The following ASPHD1 variants were observed in gnomAD, a reference collection of about 807,000 sequenced individuals.
The protein encoded by ASPHD1 is aspartate beta-hydroxylase domain containing 1, also known as aspartate beta-hydroxylase domain-containing protein 1.
A neutral mutation model predicts 28.3 loss-of-function variants in ASPHD1; 20 were observed. The ratio of observed to expected loss-of-function variants is 0.71; its 90% CI spans 0.50 to 1.03. The LOEUF (loss-of-function observed/expected upper bound fraction) is 1.03, where lower values mean the gene tolerates loss of function less well. Ranked by LOEUF, ASPHD1 falls within the 50% of genes least tolerant of loss-of-function variation. ASPHD1 has a pLI of 0.00. For synonymous variants in ASPHD1, 240 were observed against 221.2 expected, an observed-to-expected ratio of 1.08 and a Z score of -0.75; for missense variants, 479 against 524.1, an observed-to-expected ratio of 0.91 and a Z score of 0.84.
chr16:29,903,267 A>T (rs1289618390), intron 1 of ASPHD1, among the ~76,000 whole-genome samples: 1 of 151,880 alleles, frequency 6.6e-6, no homozygotes, highest in Non-Finnish European at 1.5e-5. Context: ...GAGGCAGGAG[A>T]ATCACTTGAA....
chr16:29,906,826 G>T, downstream of ASPHD1: 1 of 1,542,934 alleles, frequency 6.5e-7, no homozygotes, highest in Non-Finnish European at 8.9e-7. Context: ...GAAAGAGAGA[G>T]GGACTGGGTC....
downstream of ASPHD1, among the ~76,000 whole-genome samples, chr16:29,908,716 T>G (rs1241502904): frequency 6.6e-6 from 1 of 150,478 alleles, no homozygotes; most frequent in Non-Finnish European, 1.5e-5. Context: ...TGTTTGTTTG[T>G]TTCTAAGACA....
At position 29,901,972 on chromosome 16, in the gene ASPHD1, C is replaced by A. The variant is rs1335252728; in HGVS notation, c.949+52C>A. On this transcript the variant is annotated intron_variant, in intron 1 of 2. Transcript: ENST00000308748. This position sits in a 1 kb window ranked among gnomAD's most constrained non-coding sequence, Gnocchi z 5.1. ...CTCCTTGCCTCGATGATTTCCCCCC[C>A]AGACCCTTCTCTCCGCCAGAGCCGT... 10 of 1,362,898 alleles carry A rather than the reference C, an allele frequency of 7.3e-6. No individual in the cohort carries two copies. The highest frequency in any genetic ancestry group is 1.7e-5 in the South Asian group (1 of 60,460). 84.4% of individuals were successfully genotyped at this position (1,362,898 alleles called of 1,614,324 possible).
chr16:29,905,904 G>A lies in ASPHD1; in HGVS notation c.*7G>A, dbSNP rs376189922. On this transcript the variant is annotated 3_prime_UTR_variant, in exon 3 of 3. Coordinates refer to ENST00000308748, the MANE Select transcript of ASPHD1 (RefSeq NM_181718.4). ...CTTCGCCCCAGACCCTTGAAGGAAG[G>A]TGCTCCCTTCACACACCCAGGCTGG... The A allele has an allele frequency of 1.1e-5, 18 of 1,605,154 alleles. No individual in the cohort carries two copies. The highest frequency in any genetic ancestry group is 1.4e-5 in the Non-Finnish European group (16 of 1,173,174).
At chr16:29,911,005 G>C (rs748542717), downstream of ASPHD1, 1 of 1,614,110 alleles carries the variant, frequency 6.2e-7, no homozygotes, top group Non-Finnish European at 8.5e-7. Flanking sequence ...CCGTAGCATA[G>C]ACAATGGAGG....
Position 29,901,907 on chromosome 16 carries a change from C to A in ASPHD1, c.936C>A (p.Val312=). 6.7e-7 allele frequency: 1 copy of A among 1,497,434 alleles called. No individual in the cohort carries two copies. Among genetic ancestry groups the A allele is most frequent in the South Asian group, 1.4e-5 (1 of 73,524 alleles). The allele number at this position is 1,497,434 out of a possible 1,614,324, so 92.8% of individuals were successfully genotyped here. A position where few individuals can be genotyped will look rare whatever the true frequency, so the allele number is the denominator to read the frequency against. Residue 312 remains valine (V), a synonymous_variant, in exon 1 of 3, where the codon GTC becomes GTA. Transcript: ENST00000308748. The surrounding 1 kb of genome is among the most constrained non-coding windows in gnomAD (Gnocchi z 5.1). ...EGRCGPTNAR[V]RCHLGLKIPP... ...GCTGTGGGCCCACCAATGCCCGGGT[C>A]AGATGCCATCTGGGTAAGTAGCTGC...
intron 3 of ASPHD1, chr16:29,914,444 T>A (rs1014615455): frequency 6.6e-6 from 1 of 151,464 alleles, no homozygotes; most frequent in African/African-American, 2.4e-5. Context: ...TCTTTTTTTT[T>A]TTTTTTTTTG....
rs566935519 is a variant in ASPHD1, at chr16:29,901,528, G to A, written c.557G>A (p.Arg186His). 3 of 1,575,168 alleles carry A rather than the reference G, an allele frequency of 1.9e-6. No homozygotes were observed. Among genetic ancestry groups the A allele is most frequent in the African/African-American group, 1.4e-5 (1 of 73,690 alleles). The change falls in exon 1 of 3, where the codon CGC (arginine) becomes CAC (histidine). Residue 186 changes from arginine (R) to histidine (H), a missense_variant. Coordinates refer to ENST00000308748, the MANE Select transcript of ASPHD1 (RefSeq NM_181718.4). The surrounding 1 kb of genome is among the most constrained non-coding windows in gnomAD (Gnocchi z 5.1). ...GRGPGVLGIQ[R>H]PGLLFLPDLP... ...GGGCCAGGGGTCCTAGGTATTCAGC[G>A]CCCAGGCCTGCTTTTCCTACCAGAC...
Position 29,900,915 on chromosome 16 carries a change from G to C in ASPHD1, c.-57G>C. On this transcript the variant is annotated 5_prime_UTR_variant, in exon 1 of 3. Transcript: ENST00000308748. The stretch of plus-strand genomic sequence containing the variant: ...GGAGGCGACAGAGGGAGAGGAGGAA[G>C]AAGAGGTAGAAGGAGAGAGAAAGGG... 1 of 1,473,768 alleles carries C rather than the reference G, an allele frequency of 6.8e-7. No homozygotes were observed. Among genetic ancestry groups the C allele is most frequent in the Non-Finnish European group, 9.3e-7 (1 of 1,080,934 alleles). 91.3% of individuals were successfully genotyped at this position (1,473,768 alleles called of 1,614,324 possible). A position where few individuals can be genotyped will look rare whatever the true frequency, so the allele number is the denominator to read the frequency against.
downstream of ASPHD1, among the ~76,000 whole-genome samples, chr16:29,910,671 C>T (rs1392441508): frequency 2.0e-5 from 3 of 152,174 alleles, no homozygotes; most frequent in Non-Finnish European, 4.4e-5. Context: ...TTCTGAGTTT[C>T]TAATGGCAAC....
At position 29,905,783 on chromosome 16, in the gene ASPHD1, C is replaced by T; in HGVS notation, c.1064-5C>T. 6.2e-7 allele frequency: 1 copy of T among 1,612,558 alleles called. No individual in the cohort carries two copies. Among genetic ancestry groups the T allele is most frequent in the Non-Finnish European group, 8.5e-7 (1 of 1,178,770 alleles). ...GCTCTGCTGTTCCTGTCCCATGTGC[C>T]CTAGGCTCCCCCGAAGATGGGCCTC... On this transcript the variant is annotated splice_region_variant and splice_polypyrimidine_tract_variant and intron_variant, in intron 2 of 2. Coordinates refer to ENST00000308748, the MANE Select transcript of ASPHD1 (RefSeq NM_181718.4).
At position 29,900,816 on chromosome 16, in the gene ASPHD1, A is replaced by G; in HGVS notation, c.-156A>G. 1.5e-6 allele frequency: 1 copy of G among 679,340 alleles called. No individual in the cohort carries two copies. Among genetic ancestry groups the G allele is most frequent in the Non-Finnish European group, 2.5e-6 (1 of 405,778 alleles). The allele number at this position is 679,340 out of a possible 1,614,324, so 42.1% of individuals were successfully genotyped here. A position where few individuals can be genotyped will look rare whatever the true frequency, so the allele number is the denominator to read the frequency against. ...AGCGAAAAGCGGGGGTGGGGAGGAA[A>G]GGGGGAGATTGAGGTGGGAGAGAGA... On this transcript the variant is annotated 5_prime_UTR_variant, in exon 1 of 3. Transcript: ENST00000308748.
chr16:29,901,160 G>C lies in ASPHD1; in HGVS notation c.189G>C (p.Arg63Ser). 1 of 1,612,030 alleles carries C rather than the reference G, an allele frequency of 6.2e-7. No individual in the cohort carries two copies. Among genetic ancestry groups the C allele is most frequent in the South Asian group, 1.1e-5 (1 of 90,920 alleles). The change falls in exon 1 of 3, where the codon AGG becomes AGC. Residue 63 changes from arginine (R) to serine (S), a missense_variant. Arg to Ser is a moderately radical substitution (Grantham distance 110, BLOSUM62 -1). Coordinates refer to ENST00000308748, the MANE Select transcript of ASPHD1 (RefSeq NM_181718.4). The surrounding 1 kb of genome is among the most constrained non-coding windows in gnomAD (Gnocchi z 5.1). ...AGGACGCCCCAGGCCTCTTGGCCAGGGCCTCCCTGATCATGCTCCCGTGGC... is the reference window on the plus strand; with the variant it reads ...AGGACGCCCCAGGCCTCTTGGCCAGCGCCTCCCTGATCATGCTCCCGTGGC... The part of the protein sequence containing the change: ...GPEDAPGLLA[R>S]ASLIMLPWPL...
intron 3 of ASPHD1, among the ~76,000 whole-genome samples, chr16:29,918,629 C>A (rs911431847): frequency 6.6e-6 from 1 of 151,630 alleles, no homozygotes; most frequent in Non-Finnish European, 1.5e-5. Flanking sequence ...CACCACCACT[C>A]CCAGCTAATT....
chr16:29,911,553 A>C, intron 3 of ASPHD1: 1 of 590,114 alleles, frequency 1.7e-6, no homozygotes, highest in South Asian at 2.0e-5. Context: ...GGACTCTGCC[A>C]GTTCCTAGAA....
At chr16:29,911,840 T>C in intron 3 of ASPHD1, 1 of 1,612,686 alleles carries the variant, frequency 6.2e-7, no homozygotes. Flanking sequence ...TTGTTGTTAC[T>C]GCGGTTGTGC....
chr16:29,910,554 C>T (rs1230351559), downstream of ASPHD1, among the ~76,000 whole-genome samples: 4 of 152,014 alleles, frequency 2.6e-5, no homozygotes, highest in African/African-American at 9.7e-5. Flanking sequence ...AGATCAGGTC[C>T]CACGATGTTG....
At position 29,901,875 on chromosome 16, in the gene ASPHD1, G is replaced by T. The variant is rs1453660710; in HGVS notation, c.904G>T (p.Glu302Ter). Reference protein sequence around the residue: ...FSVLLPGARLEGRCGPTNARV... With the variant: ...FSVLLPGARL The stretch of plus-strand genomic sequence containing the variant: ...CGTTCTCCTGCCTGGGGCCCGGCTC[G>T]AGGGCCGCTGTGGGCCCACCAATGC... Residue 302 changes from glutamate to a stop codon, truncating the protein, a stop_gained, in exon 1 of 3, where the codon GAG becomes TAG. Coordinates refer to ENST00000308748, the MANE Select transcript of ASPHD1 (RefSeq NM_181718.4). LOFTEE classifies it high-confidence loss of function. This position sits in a 1 kb window ranked among gnomAD's most constrained non-coding sequence, Gnocchi z 5.1. 2.6e-6 allele frequency: 4 copies of T among 1,529,656 alleles called. No individual in the cohort carries two copies. In the African/African-American group the frequency reaches 5.6e-5, roughly 21 times the overall value. The allele number at this position is 1,529,656 out of a possible 1,614,324, so 94.8% of individuals were successfully genotyped here.
intron 3 of ASPHD1, chr16:29,911,916 GC>G (rs763162309): frequency 2.5e-6 from 4 of 1,608,432 alleles, no homozygotes; most frequent in Non-Finnish European, 3.4e-6. Flanking sequence ...GCAGGGAGAG[GC>G]CCCCCCAGTG....
Sources: allele counts gnomAD v4.1 joint callset (sites outside exome capture counted in the v4.1 genomes callset), GRCh38; gene constraint gnomAD v4.1.1; non-coding constraint Gnocchi (gnomAD v3.1); transcripts MANE v1.5; gene names NCBI Gene and HGNC (gene_info 2026-07-23, HGNC 2026-07-21).